Variants in TBCE observed in about 807,000 individuals in gnomAD.
The protein encoded by TBCE is tubulin folding cofactor E.
In TBCE, 53 loss-of-function variants were observed where a neutral mutation model predicts 77.0. That is an observed-to-expected ratio of 0.69 (90% confidence interval 0.55 to 0.87). TBCE has a LOEUF of 0.87. Ranked by LOEUF, TBCE falls within the 40% of genes least tolerant of loss-of-function variation. The probability of loss-of-function intolerance (pLI) is 0.00; values close to 1 mark genes in which losing one functional copy is unlikely to be tolerated. For synonymous variants in TBCE, 235 were observed against 241.3 expected, an observed-to-expected ratio of 0.97 and a Z score of 0.24; for missense variants, 624 against 622.4, an observed-to-expected ratio of 1.00 and a Z score of -0.03.
chr1:235,447,189 A>G (rs994808469), intron 15 of TBCE, among the ~76,000 whole-genome samples: 2 of 152,214 alleles, frequency 1.3e-5, no homozygotes, highest in Non-Finnish European at 2.9e-5. Context: ...TATTAACTGT[A>G]TTCAATACAT....
intron 3 of TBCE, among the ~76,000 whole-genome samples, chr1:235,410,468 G>C (rs1679720106): frequency 6.6e-6 from 1 of 152,150 alleles, no homozygotes; most frequent in Non-Finnish European, 1.5e-5. Context: ...CAGTGAGGAT[G>C]ACCAGAGGTC....
rs529415059 is a variant in TBCE, at chr1:235,446,989, T to C, written c.1400-1360T>C. 4.1e-3 allele frequency among the ~76,000 whole-genome samples: 627 copies of C among 152,252 alleles called. 3 individuals carry two copies. Among genetic ancestry groups the C allele is most frequent in the Non-Finnish European group, 7.0e-3 (479 of 68,020 alleles). ...CCAGGCAGATTTCTTATTAGAACTG[T>C]TTTATGACCAAACTTTTTGTTTCTG... On this transcript the variant is annotated intron_variant, in intron 15 of 16. Transcript: ENST00000642610.
intron 1 of TBCE, 52 bp from the exon 2 acceptor site, chr1:235,379,967 C>A: frequency 4.6e-6 from 5 of 1,078,266 alleles, no homozygotes; most frequent in Non-Finnish European, 6.8e-6. Flanking sequence ...AAAAAAAATT[C>A]CTTTAAAGGA....
chr1:235,420,822 C>T (rs1003241467), intron 5 of TBCE, among the ~76,000 whole-genome samples: 6 of 152,042 alleles, frequency 3.9e-5, no homozygotes, highest in Non-Finnish European at 7.4e-5. Flanking sequence ...GATGGGGTTT[C>T]GCCACATTGG....
chr1:235,381,959 C>T lies in TBCE; in HGVS notation c.100+1810C>T, dbSNP rs868523970. Among the ~76,000 whole-genome samples, 203 of 94,308 alleles carry T rather than the reference C, an allele frequency of 2.2e-3. 2 individuals carry two copies. Among genetic ancestry groups the T allele is most frequent in the African/African-American group, 7.1e-3 (174 of 24,368 alleles). 61.9% of individuals were successfully genotyped at this position (94,308 alleles called of 152,430 possible). ...AGGTATATCTCCTAATGCTATCCCT[C>T]CCCCCTCCCCCCACCCCACAACAGT... On this transcript the variant is annotated intron_variant, in intron 2 of 16. Coordinates refer to ENST00000642610, the MANE Select transcript of TBCE (RefSeq NM_003193.5).
chr1:235,379,947 CAAAAA>C, intron 1 of TBCE, 67 bp from the exon 2 acceptor site: 7 of 728,558 alleles, frequency 9.6e-6, no homozygotes, highest in Non-Finnish European at 1.3e-5. Flanking sequence ...GACTGTGCCT[CAAAAA>C]AAAAAAAAAA....
chr1:235,413,858 T>TC (rs1472618487), intron 3 of TBCE: 1 of 142,666 alleles, frequency 7.0e-6, no homozygotes, highest in Non-Finnish European at 1.5e-5. Context: ...ATTTTTTTTT[T>TC]TTTTTTTTTT....
At position 235,443,456 on chromosome 1, in the gene TBCE, G is replaced by C. The variant is rs1348751623; in HGVS notation, c.1399+545G>C. ...AGCTCAAAGCCATCCTCCTGCCTCA[G>C]CCTCCCAGTGTTGGAATTAATTACA... On this transcript the variant is annotated intron_variant, in intron 15 of 16. Transcript: ENST00000642610. Among the ~76,000 whole-genome samples, 3 of 152,232 alleles carry C rather than the reference G, an allele frequency of 2.0e-5. No individual in the cohort carries two copies. In the East Asian group the frequency reaches 5.8e-4, roughly 29 times the overall value.
chr1:235,445,505 G>A (rs1682192111), intron 15 of TBCE, among the ~76,000 whole-genome samples: 1 of 152,084 alleles, frequency 6.6e-6, no homozygotes, highest in African/African-American at 2.4e-5. Context: ...GTGTGGTGGT[G>A]CATGCCTGTA....
intron 8 of TBCE, 75 bp from the exon 9 acceptor site, chr1:235,435,670 A>T: frequency 7.1e-7 from 1 of 1,406,650 alleles, no homozygotes; most frequent in Non-Finnish European, 1.0e-6. Context: ...CACCAAATGC[A>T]GGGATTTTAA....
At chr1:235,430,957 C>T (rs928906549) in intron 7 of TBCE, among the ~76,000 whole-genome samples, 153 bp downstream of exon 7, 1 of 152,158 alleles carries the variant, frequency 6.6e-6, no homozygotes, top group Non-Finnish European at 1.5e-5. Flanking sequence ...ATTAAAGTGC[C>T]TTATAAAAAC....
chr1:235,436,388 T>C lies in TBCE; in HGVS notation c.836T>C (p.Leu279Ser), dbSNP rs1408765134. ...AAATTGTACATTTTGAATTTCAGGT[T>C]AGAACAATTAATCCTCTCTGACACT... ...QLYLIAHLPR[L>S]EQLILSDTGI... Residue 279 changes from leucine to serine, a missense_variant and splice_region_variant, in exon 10 of 17, where the codon TTA becomes TCA. Physicochemically the swap from Leu to Ser is moderately radical, Grantham distance 145. Coordinates refer to ENST00000642610, the MANE Select transcript of TBCE (RefSeq NM_003193.5). 6.2e-7 allele frequency: 1 copy of C among 1,613,390 alleles called. No homozygotes were observed. The highest frequency in any genetic ancestry group is 1.3e-5 in the African/African-American group (1 of 75,038).
At chr1:235,372,922 TAAA>T (rs71174418) in intron 1 of TBCE, among the ~76,000 whole-genome samples, 5 of 76,190 alleles carry the variant, frequency 6.6e-5, no homozygotes, top group Non-Finnish European at 5.1e-5. Flanking sequence ...AGACTCCGTC[TAAA>T]AAAAAAAAAA....
At chr1:235,401,826 C>CTTTTTTTTTTTTTTTATTTT in intron 3 of TBCE, among the ~76,000 whole-genome samples, 1 of 88,604 alleles carries the variant, frequency 1.1e-5, no homozygotes, top group Non-Finnish European at 2.1e-5. Context: ...TTTCTTCGTC[C>CTTTTTTTTTTTTTTTATTTT]TTTTTTTTTT....
chr1:235,406,434 C>T (rs547337654), intron 3 of TBCE, among the ~76,000 whole-genome samples: 2 of 152,302 alleles, frequency 1.3e-5, no homozygotes, highest in East Asian at 3.8e-4. Flanking sequence ...CTAAGTGTAA[C>T]ATTTTATTTG....
At chr1:235,418,921 G>A (rs1031556188) in intron 4 of TBCE, among the ~76,000 whole-genome samples, 1 of 152,190 alleles carries the variant, frequency 6.6e-6, no homozygotes, top group African/African-American at 2.4e-5. Context: ...AAGGCCCTGG[G>A]GAGGGCCGGG....
Position 235,417,423 on chromosome 1 carries a change from T to TA in TBCE, c.372-2050_372-2049insA, listed in dbSNP as rs570312262. Among the ~76,000 whole-genome samples, 18 of 152,352 alleles carry TA rather than the reference T, an allele frequency of 1.2e-4. No homozygotes were observed. In the South Asian group the frequency reaches 3.7e-3, roughly 32 times the overall value. Reference sequence around the variant, plus strand: ...TGCCGCGATAAAACACAAGTATTTATGTACATCTATCATGCATCAATAGAA... The same window carrying TA: ...TGCCGCGATAAAACACAAGTATTTATAGTACATCTATCATGCATCAATAGAA... On this transcript the variant is annotated intron_variant, in intron 4 of 16. Transcript: ENST00000642610.
intron 7 of TBCE, chr1:235,433,903 G>A (rs796932658): frequency 2.4e-6 from 1 of 422,538 alleles, no homozygotes; most frequent in African/African-American, 2.0e-5. Context: ...AATAATATGT[G>A]CAGTTAGTAT....
intron 3 of TBCE, among the ~76,000 whole-genome samples, chr1:235,402,684 G>A (rs1297408868): frequency 6.6e-6 from 1 of 152,078 alleles, no homozygotes; most frequent in East Asian, 1.9e-4. Context: ...GAATGCAGTG[G>A]CATGATCATG....
Sources: gnomAD v4.1 joint callset for allele counts (sites outside exome capture counted in the v4.1 genomes callset) on GRCh38, gnomAD v4.1.1 for gene constraint, MANE v1.5 for transcripts, NCBI Gene and HGNC (gene_info 2026-07-23, HGNC 2026-07-21) for gene names.